Variants in EXT1 observed in about 807,000 individuals in gnomAD.
EXT1 encodes exostosin-1.
In EXT1, 20 loss-of-function variants were observed where a neutral mutation model predicts 82.5. The observed-to-expected ratio is 0.24, with a 90% CI of 0.17 to 0.35. The LOEUF (loss-of-function observed/expected upper bound fraction) is 0.35, where lower values mean the gene tolerates loss of function less well. Ranked by LOEUF, EXT1 falls within the 10% of genes least tolerant of loss-of-function variation. The probability of loss-of-function intolerance (pLI) is 1.00; values close to 1 mark genes in which losing one functional copy is unlikely to be tolerated. For missense variants in EXT1, 757 were observed against 936.5 expected (o/e 0.81, Z 2.50); for synonymous variants, 348 against 350.8 (o/e 0.99, Z 0.09).
chr8:118,043,481 C>CT (rs1163612863), intron 1 of EXT1, among the ~76,000 whole-genome samples: 1 of 152,202 alleles, frequency 6.6e-6, no homozygotes, highest in Non-Finnish European at 1.5e-5. Flanking sequence ...TCACATGTGA[C>CT]TTTTTTTCTC....
intron 1 of EXT1, among the ~76,000 whole-genome samples, chr8:117,918,408 A>G (rs1042507672): frequency 3.3e-5 from 5 of 152,214 alleles, no homozygotes; most frequent in African/African-American, 1.2e-4. Flanking sequence ...CACAGATATC[A>G]TGAATGTGCT....
chr8:117,844,513 C>T (rs934782730), intron 1 of EXT1, among the ~76,000 whole-genome samples: 1 of 151,956 alleles, frequency 6.6e-6, no homozygotes, highest in African/African-American at 2.4e-5. Flanking sequence ...ACGGAATTGC[C>T]CAAGGCAAAG....
intron 1 of EXT1, among the ~76,000 whole-genome samples, chr8:118,083,468 C>T (rs533525011): frequency 1.3e-5 from 2 of 152,328 alleles, no homozygotes; most frequent in African/African-American, 4.8e-5. Context: ...CAAGGCCAGC[C>T]TGGCCCTAAT....
chr8:117,918,176 T>C (rs1813790432), intron 1 of EXT1, among the ~76,000 whole-genome samples: 2 of 152,238 alleles, frequency 1.3e-5, no homozygotes, highest in South Asian at 2.1e-4. Context: ...GTATTTCCTA[T>C]TTCCCAGCAA....
intron 1 of EXT1, among the ~76,000 whole-genome samples, chr8:117,934,958 G>A (rs1313385103): frequency 6.6e-6 from 1 of 152,164 alleles, no homozygotes; most frequent in Admixed American, 6.5e-5. Context: ...AGAATCTTAG[G>A]AACTTAGCAG....
At chr8:117,962,437 C>T (rs1337030599) in intron 1 of EXT1, among the ~76,000 whole-genome samples, 1 of 151,242 alleles carries the variant, frequency 6.6e-6, no homozygotes, top group African/African-American at 2.4e-5. Flanking sequence ...ACAGCAAGAC[C>T]TCATCTCCAA....
intron 1 of EXT1, among the ~76,000 whole-genome samples, chr8:118,102,143 T>C (rs1439593288): frequency 6.6e-6 from 1 of 151,964 alleles, no homozygotes; most frequent in Non-Finnish European, 1.5e-5. Context: ...GGTGGGTGCC[T>C]GTAATCCCAT....
chr8:117,894,800 T>C (rs1270888806), intron 1 of EXT1, among the ~76,000 whole-genome samples: 1 of 152,178 alleles, frequency 6.6e-6, no homozygotes, highest in African/African-American at 2.4e-5. Flanking sequence ...AAATTAAATG[T>C]GTTATAGGCA....
chr8:118,008,809 T>C (rs1026819471), intron 1 of EXT1, among the ~76,000 whole-genome samples: 3 of 152,122 alleles, frequency 2.0e-5, no homozygotes, highest in Admixed American at 1.3e-4. Flanking sequence ...AATTGCCTTA[T>C]CTGAAAATGA....
At chr8:117,849,891 C>T (rs1470879747) in intron 1 of EXT1, among the ~76,000 whole-genome samples, 3 of 152,218 alleles carry the variant, frequency 2.0e-5, no homozygotes, top group African/African-American at 7.2e-5. Context: ...ATTATTATGG[C>T]ATATACCCAA....
At chr8:117,897,786 G>A (rs1468272661) in intron 1 of EXT1, among the ~76,000 whole-genome samples, 1 of 151,432 alleles carries the variant, frequency 6.6e-6, no homozygotes, top group Non-Finnish European at 1.5e-5. Flanking sequence ...GTAGAGATGA[G>A]GTTTCGAGGT....
intron 1 of EXT1, among the ~76,000 whole-genome samples, chr8:117,955,429 T>A (rs568745006): frequency 6.6e-6 from 1 of 152,014 alleles, no homozygotes; most frequent in African/African-American, 2.4e-5. Flanking sequence ...CCACTAAGAA[T>A]CACCTCATTA....
chr8:117,966,668 C>A (rs1482149738), intron 1 of EXT1, among the ~76,000 whole-genome samples: 1 of 152,170 alleles, frequency 6.6e-6, no homozygotes, highest in African/African-American at 2.4e-5. Context: ...CTGAAACATA[C>A]CAACTCTACC....
At chr8:117,855,268 G>A (rs1384202497) in intron 1 of EXT1, among the ~76,000 whole-genome samples, 1 of 152,110 alleles carries the variant, frequency 6.6e-6, no homozygotes, top group Non-Finnish European at 1.5e-5. Context: ...TTGAGTTTTT[G>A]TTTTTGTTTT....
intron 1 of EXT1, among the ~76,000 whole-genome samples, chr8:118,047,852 C>T (rs1816646976): frequency 6.6e-6 from 1 of 152,040 alleles, no homozygotes; most frequent in African/African-American, 2.4e-5. Flanking sequence ...GAGTCTAGTC[C>T]ATGGAGGCAC....
intron 1 of EXT1, among the ~76,000 whole-genome samples, chr8:117,872,824 GAAAAAAA>G (rs1171262675): frequency 1.1e-5 from 1 of 87,430 alleles, no homozygotes; most frequent in Non-Finnish European, 2.5e-5. Context: ...CTGAAGCAGA[GAAAAAAA>G]AAAAAAAAAG....
chr8:117,855,687 G>C (rs187713375), intron 1 of EXT1, among the ~76,000 whole-genome samples: 1 of 152,272 alleles, frequency 6.6e-6, no homozygotes, highest in Non-Finnish European at 1.5e-5. Flanking sequence ...TATTTATTTA[G>C]AGACGGAGTC....
At chr8:117,888,867 C>T (rs1225329294) in intron 1 of EXT1, among the ~76,000 whole-genome samples, 3 of 152,176 alleles carry the variant, frequency 2.0e-5, no homozygotes. Context: ...AGTAATGCTG[C>T]CTATCTTCAA....
chr8:117,896,409 A>C (rs183260521), intron 1 of EXT1, among the ~76,000 whole-genome samples: 1 of 152,232 alleles, frequency 6.6e-6, no homozygotes. Context: ...TCAGCCAAAA[A>C]AGAAAGCAAA....
Sources: allele counts gnomAD v4.1 joint callset (sites outside exome capture counted in the v4.1 genomes callset), GRCh38; gene constraint gnomAD v4.1.1; transcripts MANE v1.5; gene names NCBI Gene and HGNC (gene_info 2026-07-23, HGNC 2026-07-21).